Variants in TSPAN2 observed in about 807,000 individuals in gnomAD.
The protein encoded by TSPAN2 is tetraspanin-2.
A neutral mutation model predicts 33.3 loss-of-function variants in TSPAN2; 24 were observed. The ratio of observed to expected loss-of-function variants is 0.72; its 90% confidence interval spans 0.52 to 1.01. TSPAN2 has a LOEUF of 1.01. TSPAN2 is among the 50% of genes least tolerant of loss of function. The pLI, the probability that TSPAN2 is intolerant of heterozygous loss-of-function variation, is 0.00. For missense variants in TSPAN2, 278 were observed against 281.3 expected (o/e 0.99, Z 0.08); for synonymous variants, 114 against 104.5 (o/e 1.09, Z -0.56).
At chr1:115,075,885 G>GC (rs1342416950) in intron 1 of TSPAN2, among the ~76,000 whole-genome samples, 18 of 151,542 alleles carry the variant, frequency 1.2e-4, no homozygotes, top group Middle Eastern at 6.8e-3. Flanking sequence ...TCCTTCTTCT[G>GC]CCCCCAGCCA....
chr1:115,082,852 A>G (rs1291848344), intron 1 of TSPAN2, among the ~76,000 whole-genome samples: 1 of 152,228 alleles, frequency 6.6e-6, no homozygotes, highest in Non-Finnish European at 1.5e-5. Flanking sequence ...TGAAAAAAGC[A>G]TGGGGTTTAA....
intron 6 of TSPAN2, among the ~76,000 whole-genome samples, chr1:115,055,604 A>G (rs1570965568): frequency 1.3e-5 from 2 of 152,152 alleles, no homozygotes; most frequent in African/African-American, 2.4e-5. Context: ...GCTCACTGCA[A>G]CCTCTGCCTC....
At chr1:115,057,246 A>G (rs918813562) in intron 6 of TSPAN2, among the ~76,000 whole-genome samples, 1 of 152,208 alleles carries the variant, frequency 6.6e-6, no homozygotes, top group Non-Finnish European at 1.5e-5. Flanking sequence ...TCATCTATGT[A>G]GGTGGTGAAG....
rs1647261724 is a variant in TSPAN2 at position 115,053,385 on chromosome 1, A to G, written c.594T>C (p.Gly198=). ...AGTTCTAGAACTTTCTCACCGTCAG[A>G]CCTGCAATTCCAATACCGACAATTC... is the stretch of plus-strand genomic sequence containing the variant. ...LIGIVGIGIA[G]LTIFGMIFSM... The change falls in exon 7 of 8, where the codon GGT becomes GGC. Residue 198 remains glycine (G), a synonymous_variant. Coordinates refer to ENST00000369516, the MANE Select transcript of TSPAN2 (RefSeq NM_005725.6). 3.7e-6 allele frequency: 6 copies of G among 1,613,838 alleles called. No individual in the cohort carries two copies. Among genetic ancestry groups the G allele is most frequent in the Admixed American group, 1.7e-5 (1 of 59,994 alleles).
rs1553215692 is a variant in TSPAN2, at chr1:115,048,306, G to GCT, written c.*2183_*2184insAG. On this transcript the variant is annotated 3_prime_UTR_variant, in exon 8 of 8. Transcript: ENST00000369516. ...TATATATTATATGTGTGTCTATACA[G>GCT]ATATATATATATATATATTCATCTT... The GCT allele has an allele frequency of 8.9e-6, 1 of 112,142 alleles. No individual in the cohort carries two copies. Among genetic ancestry groups the GCT allele is most frequent in the African/African-American group, 3.0e-5 (1 of 33,674 alleles). The allele number at this position is 112,142 out of a possible 1,614,324, so 6.9% of individuals were successfully genotyped here.
chr1:115,064,613 A>C (rs887377772), intron 2 of TSPAN2, among the ~76,000 whole-genome samples: 6 of 152,260 alleles, frequency 3.9e-5, no homozygotes, highest in African/African-American at 1.4e-4. Flanking sequence ...TGCCCTGCAC[A>C]AGGCAGAATT....
chr1:115,081,878 C>T (rs1229576069), intron 1 of TSPAN2, among the ~76,000 whole-genome samples: 1 of 152,228 alleles, frequency 6.6e-6, no homozygotes, highest in Non-Finnish European at 1.5e-5. Flanking sequence ...TTTAGATCCA[C>T]ACTCCCTCTT....
intron 5 of TSPAN2, among the ~76,000 whole-genome samples, chr1:115,057,966 G>A (rs1647502194): frequency 6.6e-6 from 1 of 152,206 alleles, no homozygotes; most frequent in Non-Finnish European, 1.5e-5. Flanking sequence ...AGGAGCTCAA[G>A]TTTTATGAGC....
intron 2 of TSPAN2, among the ~76,000 whole-genome samples, chr1:115,068,173 G>A (rs1173355826): frequency 6.6e-6 from 1 of 152,214 alleles, no homozygotes; most frequent in East Asian, 1.9e-4. Flanking sequence ...GTGGCAGTCA[G>A]TCTGACTATC....
At chr1:115,073,455 C>T (rs1396822018) in intron 1 of TSPAN2, among the ~76,000 whole-genome samples, 6 of 152,136 alleles carry the variant, frequency 3.9e-5, no homozygotes, top group African/African-American at 1.4e-4. Flanking sequence ...CGATGAACTC[C>T]AAGACCTGGG....
intron 7 of TSPAN2, among the ~76,000 whole-genome samples, chr1:115,052,710 C>T: frequency 6.6e-6 from 1 of 152,196 alleles, no homozygotes; most frequent in East Asian, 1.9e-4. Context: ...ATGCACTACG[C>T]TTAATACCAT....
At chr1:115,075,374 C>T (rs1648361961) in intron 1 of TSPAN2, among the ~76,000 whole-genome samples, 1 of 152,174 alleles carries the variant, frequency 6.6e-6, no homozygotes, top group Admixed American at 6.5e-5. Flanking sequence ...CAGGCTGCTG[C>T]CGGCTGTGTC....
intron 1 of TSPAN2, among the ~76,000 whole-genome samples, chr1:115,088,747 C>T (rs1032380670): frequency 6.6e-6 from 1 of 151,582 alleles, no homozygotes; most frequent in Non-Finnish European, 1.5e-5. Context: ...ATCCCCTTCT[C>T]AGAAGAGAAC....
intron 5 of TSPAN2, 119 bp from the exon 6 acceptor site, chr1:115,057,727 G>A: frequency 1.2e-6 from 1 of 823,910 alleles, no homozygotes. Context: ...CCCAGTCACT[G>A]CAACCCAGAC....
chr1:115,050,626 C>T, intron 7 of TSPAN2, 71 bp from the exon 8 acceptor site: 2 of 1,205,218 alleles, frequency 1.7e-6, no homozygotes, highest in Non-Finnish European at 2.4e-6. Context: ...AGCAGACTTC[C>T]TGGGTGTCTA....
At chr1:115,071,126 T>C (rs547333202) in intron 2 of TSPAN2, among the ~76,000 whole-genome samples, 110 of 152,234 alleles carry the variant, frequency 7.2e-4, no homozygotes, top group African/African-American at 2.5e-3. Context: ...ACAGGTCCTA[T>C]GGGGAGCCCA....
rs1326281108 is a variant in TSPAN2 at position 115,048,081 on chromosome 1, C to T, written c.*2409G>A. On this transcript the variant is annotated 3_prime_UTR_variant, in exon 8 of 8. Coordinates refer to ENST00000369516, the MANE Select transcript of TSPAN2 (RefSeq NM_005725.6). ...AACATTAAGAAGTCTTAATTCAGTG[C>T]CTTGGCATGAGACATTTAAAAGCAT... 6.6e-6 allele frequency: 1 copy of T among 151,356 alleles called. No homozygotes were observed. Among genetic ancestry groups the T allele is most frequent in the Admixed American group, 6.6e-5 (1 of 15,202 alleles). 9.4% of individuals were successfully genotyped at this position (151,356 alleles called of 1,614,324 possible). A position where few individuals can be genotyped will look rare whatever the true frequency, so the allele number is the denominator to read the frequency against.
At chr1:115,079,900 G>A (rs185422219) in intron 1 of TSPAN2, among the ~76,000 whole-genome samples, 1 of 152,338 alleles carries the variant, frequency 6.6e-6, no homozygotes, top group East Asian at 1.9e-4. Context: ...ATTCTCTGCA[G>A]TGATGGAAGG....
At chr1:115,087,373 T>C (rs929426298) in intron 1 of TSPAN2, among the ~76,000 whole-genome samples, 5 of 151,566 alleles carry the variant, frequency 3.3e-5, no homozygotes, top group African/African-American at 1.2e-4. Flanking sequence ...CTCAGCACTT[T>C]GGGAGGCTGA....
Sources: gnomAD v4.1 joint callset for allele counts (sites outside exome capture counted in the v4.1 genomes callset) on GRCh38, gnomAD v4.1.1 for gene constraint, MANE v1.5 for transcripts, NCBI Gene and HGNC (gene_info 2026-07-23, HGNC 2026-07-21) for gene names.